AFF4: variants seen among roughly 807,000 people sequenced by gnomAD.
The protein encoded by AFF4 is AF4/FMR2 family member 4.
AFF4 carries 13 observed loss-of-function variants against 124.8 expected under a neutral mutation model. The ratio of observed to expected loss-of-function variants is 0.10; its 90% CI spans 0.07 to 0.17. AFF4 has a LOEUF of 0.17. AFF4 is among the 10% of genes least tolerant of loss of function. AFF4 has a pLI of 1.00. For missense variants in AFF4, 1,092 were observed against 1,403.8 expected, an observed-to-expected ratio of 0.78 and a Z score of 3.55; for synonymous variants, 477 against 496.1, an observed-to-expected ratio of 0.96 and a Z score of 0.51.
chr5:132,900,844 A>C (rs1433632134), intron 7 of AFF4: 1 of 975,846 alleles, frequency 1.0e-6, no homozygotes, highest in East Asian at 1.1e-4. Context: ...GAAAATGTCT[A>C]ATTTCTCATT....
chr5:132,896,347 G>A lies in AFF4; in HGVS notation c.2283C>T (p.Ser761=), dbSNP rs1760395043. The change falls in exon 11 of 21, where the codon TCC becomes TCT. Residue 761 remains serine (S), a synonymous_variant. Coordinates refer to ENST00000265343, the MANE Select transcript of AFF4 (RefSeq NM_014423.4). ...CCTTATGCTTCCTCTTGCCTTTGTT[G>A]GAAACTTTTTCTGAGGCTTGTTTCT... is the stretch of plus-strand genomic sequence containing the variant. The part of the protein sequence containing the change: ...EAQKQASEKV[S]NKGKRKHKNE... The A allele has an allele frequency of 6.3e-7, 1 of 1,596,404 alleles. No individual in the cohort carries two copies. Among genetic ancestry groups the A allele is most frequent in the Non-Finnish European group, 8.5e-7 (1 of 1,175,504 alleles).
rs766856734 is a variant in AFF4, at chr5:132,892,184, T to C, written c.2617A>G (p.Ser873Gly). ...KQKKTEGKTS[S>G]SSKEVKEKAP... The stretch of plus-strand genomic sequence containing the variant: ...TTTACCTTAACCTCCTTGGAGCTAC[T>C]GGAAGTCTTCCCTTCGGTCTTCTTC... Residue 873 changes from serine to glycine, a missense_variant, in exon 13 of 21, where the codon AGT becomes GGT. Ser to Gly is a moderately conservative substitution (Grantham distance 56). Transcript: ENST00000265343. The C allele has an allele frequency of 6.2e-7, 1 of 1,614,180 alleles. No homozygotes were observed. Among genetic ancestry groups the C allele is most frequent in the Non-Finnish European group, 8.5e-7 (1 of 1,180,038 alleles).
intron 1 of AFF4, chr5:132,943,834 G>A (rs1761631502): frequency 4.1e-6 from 1 of 241,364 alleles, no homozygotes; most frequent in Non-Finnish European, 9.0e-6. Context: ...TCCTGTAATG[G>A]ATTGCCACAT....
At chr5:132,941,317 G>T (rs1435700568) in intron 1 of AFF4, among the ~76,000 whole-genome samples, 1 of 151,716 alleles carries the variant, frequency 6.6e-6, no homozygotes, top group Non-Finnish European at 1.5e-5. Context: ...GAATAAACAA[G>T]CTCAGTTTCT....
In AFF4 at chr5:132,934,759, A is replaced by T; in HGVS notation, c.306T>A (p.Ser102=). 6.2e-7 allele frequency: 1 copy of T among 1,614,058 alleles called. No homozygotes were observed. The highest frequency in any genetic ancestry group is 1.1e-5 in the South Asian group (1 of 91,084). ...PNFFEQRHGG[S]HQSSKWTPVG... ...CTGGAGTCCATTTGCTACTCTGATGAGAGCCTCCATGTCTCTGTTCAAAGA... is the reference window on the plus strand; with the variant it reads ...CTGGAGTCCATTTGCTACTCTGATGTGAGCCTCCATGTCTCTGTTCAAAGA... The change falls in exon 3 of 21, where the codon TCT becomes TCA. Residue 102 remains serine, a synonymous_variant. Coordinates refer to ENST00000265343, the MANE Select transcript of AFF4 (RefSeq NM_014423.4).
At chr5:132,896,015 T>C (rs886148089) in intron 11 of AFF4, among the ~76,000 whole-genome samples, 13 of 152,220 alleles carry the variant, frequency 8.5e-5, no homozygotes, top group Middle Eastern at 3.2e-3. Context: ...AACCAAAATG[T>C]TGAGAATGTT....
rs1271759743 is a variant in AFF4, at chr5:132,963,632, G to C, written c.-378C>G. 5.0e-6 allele frequency: 2 copies of C among 396,722 alleles called. No individual in the cohort carries two copies. Among genetic ancestry groups the C allele is most frequent in the Non-Finnish European group, 4.4e-6 (1 of 225,200 alleles). 24.6% of individuals were successfully genotyped at this position (396,722 alleles called of 1,614,324 possible). A position where few individuals can be genotyped will look rare whatever the true frequency, so the allele number is the denominator to read the frequency against. On this transcript the variant is annotated 5_prime_UTR_variant, in exon 1 of 21. Coordinates refer to ENST00000265343, the MANE Select transcript of AFF4 (RefSeq NM_014423.4). ...GACTCCTGCAGCCAGGGCTGTGACT[G>C]ACGCAGCGGCCGTGCCACCATGTGA...
chr5:132,950,881 C>T (rs991262053), intron 1 of AFF4, among the ~76,000 whole-genome samples: 1 of 152,052 alleles, frequency 6.6e-6, no homozygotes, highest in African/African-American at 2.4e-5. Flanking sequence ...TCTAGTGAAT[C>T]CTACGAATCC....
intron 5 of AFF4, among the ~76,000 whole-genome samples, chr5:132,924,536 T>C (rs948555871): frequency 6.6e-6 from 1 of 152,118 alleles, no homozygotes; most frequent in African/African-American, 2.4e-5. Context: ...GTGGTGGTTA[T>C]ACAGGTGCAC....
intron 13 of AFF4, chr5:132,891,798 A>AGC: frequency 4.2e-6 from 1 of 235,834 alleles, no homozygotes; most frequent in Non-Finnish European, 7.8e-6. Context: ...ACTGGTTTCT[A>AGC]TCTTTTTTTT....
intron 1 of AFF4, among the ~76,000 whole-genome samples, chr5:132,950,912 T>C: frequency 6.6e-6 from 1 of 152,102 alleles, no homozygotes; most frequent in East Asian, 1.9e-4. Flanking sequence ...CATTCAAACA[T>C]ATTCTTCTTT....
chr5:132,963,181 G>A (rs1254498105), intron 1 of AFF4, 78 bp downstream of exon 1: 7 of 381,338 alleles, frequency 1.8e-5, no homozygotes, highest in Non-Finnish European at 3.2e-5. Flanking sequence ...GAACTTGCGG[G>A]CCCCCACCCC....
chr5:132,963,216 G>A (rs1367191040), intron 1 of AFF4, 43 bp downstream of exon 1: 6 of 387,374 alleles, frequency 1.5e-5, no homozygotes, highest in Admixed American at 1.3e-4. Context: ...CACAACCCCC[G>A]CGGCCCGGCC....
chr5:132,932,206 T>C lies in AFF4; in HGVS notation c.935A>G (p.Asp312Gly), dbSNP rs751474496. 1.9e-6 allele frequency: 3 copies of C among 1,607,384 alleles called. No homozygotes were observed. The highest frequency in any genetic ancestry group is 1.7e-5 in the Admixed American group (1 of 58,842). Residue 312 changes from aspartate (D) to glycine (G), a missense_variant, in exon 4 of 21, where the codon GAT (aspartate) becomes GGT (glycine). Transcript: ENST00000265343. ...TAGGATTTCATCCACACAGCTCACA[T>C]CACCAGAAGCTGATGCCTTGAAAGA... Reference protein sequence around the residue: ...SQPLDASASGDVSCVDEILKE... With the variant: ...SQPLDASASGGVSCVDEILKE...
intron 1 of AFF4, chr5:132,943,009 C>A (rs1052513625): frequency 9.3e-6 from 2 of 214,798 alleles, no homozygotes; most frequent in Non-Finnish European, 2.0e-5. Context: ...AGGGTGGTGG[C>A]ACTGATGACA....
intron 4 of AFF4, among the ~76,000 whole-genome samples, chr5:132,930,679 A>ATATG (rs2150095447): frequency 6.6e-6 from 1 of 152,288 alleles, no homozygotes; most frequent in East Asian, 1.9e-4. Flanking sequence ...AATACAAGTA[A>ATATG]TATGTGACTG....
chr5:132,897,579 G>A (rs533630627), intron 10 of AFF4, among the ~76,000 whole-genome samples: 5 of 152,040 alleles, frequency 3.3e-5, no homozygotes, highest in African/African-American at 9.6e-5. Flanking sequence ...ATGCGGTGGC[G>A]CACGCCTGTA....
At chr5:132,924,131 G>A (rs1761117201) in intron 5 of AFF4, among the ~76,000 whole-genome samples, 1 of 152,114 alleles carries the variant, frequency 6.6e-6, no homozygotes, top group Non-Finnish European at 1.5e-5. Flanking sequence ...GTGCATGCCT[G>A]TAATCCCAGC....
At chr5:132,941,133 G>C (rs67860107) in intron 1 of AFF4, among the ~76,000 whole-genome samples, 20,582 of 149,028 alleles carry the variant, frequency 0.14, 1,529 homozygotes, top group Middle Eastern at 0.21. Context: ...GATTTTTTTT[G>C]CCTCCTGTGT....
Sources: allele counts gnomAD v4.1 joint callset (sites outside exome capture counted in the v4.1 genomes callset), GRCh38; gene constraint gnomAD v4.1.1; transcripts MANE v1.5; gene names NCBI Gene and HGNC (gene_info 2026-07-23, HGNC 2026-07-21).